Variants in PLAC8L1 observed in about 807,000 individuals in gnomAD.
PLAC8L1 encodes the protein PLAC8-like protein 1.
A neutral mutation model predicts 16.3 loss-of-function variants in PLAC8L1; 13 were observed. That is an observed-to-expected ratio of 0.80 (90% CI 0.52 to 1.27). The LOEUF (loss-of-function observed/expected upper bound fraction) is 1.27. Ranked by LOEUF, PLAC8L1 falls within the 50% of genes most tolerant of loss-of-function variation. PLAC8L1 has a pLI of 0.00. For synonymous variants in PLAC8L1, 78 were observed against 79.3 expected (o/e 0.98, Z 0.09); for missense variants, 184 against 220.2 (o/e 0.84, Z 1.04).
intron 3 of PLAC8L1, 54 bp from the exon 4 acceptor site, chr5:146,084,626 C>A: frequency 6.2e-7 from 1 of 1,601,490 alleles, no homozygotes; most frequent in Non-Finnish European, 8.5e-7. Flanking sequence ...CATTTTTCTT[C>A]CCCAGGGTCC....
intron 2 of PLAC8L1, among the ~76,000 whole-genome samples, chr5:146,093,740 G>A (rs1341997480): frequency 6.6e-6 from 1 of 152,198 alleles, no homozygotes; most frequent in Non-Finnish European, 1.5e-5. Flanking sequence ...GTGGGGACAT[G>A]AATCCCAGTC....
intron 1 of PLAC8L1, among the ~76,000 whole-genome samples, chr5:146,102,040 C>CTTTTTTTTTTTTTTTTTTTTTCTTTT (rs36011275): frequency 7.7e-6 from 1 of 130,506 alleles, no homozygotes; most frequent in Non-Finnish European, 1.6e-5. Flanking sequence ...TGTGTTTACC[C>CTTTTTTTTTTTTTTTTTTTTTCTTTT]TTTTTTTTTT....
At chr5:146,085,037 CTA>C (rs773412047) in intron 3 of PLAC8L1, among the ~76,000 whole-genome samples, 2 of 151,054 alleles carry the variant, frequency 1.3e-5, no homozygotes, top group African/African-American at 2.4e-5. Context: ...CAGATACATT[CTA>C]TGTCTACATA....
intron 1 of PLAC8L1, chr5:146,103,976 A>G (rs1272366810): frequency 1.0e-6 from 1 of 985,318 alleles, no homozygotes; most frequent in Non-Finnish European, 1.2e-6. Context: ...ATAAAGAGAT[A>G]CCATTTCACC....
intron 2 of PLAC8L1, among the ~76,000 whole-genome samples, chr5:146,087,617 C>T (rs918651273): frequency 6.6e-6 from 1 of 152,206 alleles, no homozygotes; most frequent in South Asian, 2.1e-4. Context: ...CTCCCAGGCT[C>T]AAGCGATCCT....
Position 146,098,958 on chromosome 5 carries a change from C to CG in PLAC8L1, c.120-667_120-666insC, listed in dbSNP as rs560337429. On this transcript the variant is annotated intron_variant, in intron 1 of 3. Transcript: ENST00000311450. ...TGACCTAGTGGTGCCACAAAGTATA[C>CG]TTTGGGTTGATTTTCCCAGAAAGGG... is the stretch of plus-strand genomic sequence containing the variant. Among the ~76,000 whole-genome samples, 738 of 152,272 alleles carry CG rather than the reference C, an allele frequency of 4.8e-3. 2 individuals carry two copies. Among genetic ancestry groups the CG allele is most frequent in the Middle Eastern group, 0.02 (6 of 294 alleles).
At position 146,098,228 on chromosome 5, in the gene PLAC8L1, T is replaced by A. The variant is rs746808227; in HGVS notation, c.184A>T (p.Ile62Phe). The A allele has an allele frequency of 2.5e-6, 4 of 1,614,128 alleles. No individual in the cohort carries two copies. In the South Asian group the frequency reaches 4.4e-5, roughly 18 times the overall value. ...PVRGASGRTT[I>F]TAIVQTGGGW... ...CCGCCAGTCTGGACAATTGCTGTGA[T>A]TGTCGTCCTGCCACTGGCTCCCCGA... The change falls in exon 2 of 4, where the codon ATC becomes TTC. Residue 62 changes from isoleucine to phenylalanine, a missense_variant. Physicochemically the swap from Ile to Phe is conservative, Grantham distance 21. Transcript: ENST00000311450.
Position 146,102,022 on chromosome 5 carries a change from T to G in PLAC8L1, c.119+2171A>C, listed in dbSNP as rs543551478. Among the ~76,000 whole-genome samples the G allele has an allele frequency of 1.4e-4, 21 of 151,986 alleles. No individual in the cohort carries two copies. In the East Asian group the frequency reaches 3.9e-3, roughly 28 times the overall value. On this transcript the variant is annotated intron_variant, in intron 1 of 3. Transcript: ENST00000311450. The stretch of plus-strand genomic sequence containing the variant: ...TTTCCTTAATGGAAAAAGAAAATGT[T>G]TTTTTTCTGTGTTTACCCTTTTTTT...
In PLAC8L1 at chr5:146,105,308, A is replaced by G. The variant is rs1284219402; in HGVS notation, c.-997T>C. 2.0e-5 allele frequency among the ~76,000 whole-genome samples: 3 copies of G among 152,192 alleles called. No individual in the cohort carries two copies. Among genetic ancestry groups the G allele is most frequent in the Non-Finnish European group, 4.4e-5 (3 of 68,034 alleles). On this transcript the variant is annotated 5_prime_UTR_variant, in exon 1 of 4. Transcript: ENST00000311450. The stretch of plus-strand genomic sequence containing the variant: ...TGAACCAGGTTGTTAGGAAAAGCCT[A>G]TAATACCTTCCAAATCAAGATTCCT...
chr5:146,098,478 C>T (rs914903548), intron 1 of PLAC8L1, among the ~76,000 whole-genome samples, 186 bp from the exon 2 acceptor site: 2 of 151,956 alleles, frequency 1.3e-5, no homozygotes, highest in Non-Finnish European at 2.9e-5. Flanking sequence ...TGGCTTTTTG[C>T]CTCATCTCTA....
Position 146,085,715 on chromosome 5 carries a change from T to G in PLAC8L1, c.257-118A>C, listed in dbSNP as rs73313973. 1.9e-3 allele frequency: 2,155 copies of G among 1,115,284 alleles called. 37 individuals are homozygous for G. The African/African-American group carries it at 0.026, about 13-fold the overall frequency. The allele number at this position is 1,115,284 out of a possible 1,614,324, so 69.1% of individuals were successfully genotyped here. On this transcript the variant is annotated intron_variant, in intron 2 of 3. Transcript: ENST00000311450. The stretch of plus-strand genomic sequence containing the variant: ...TTAATGCTGCACTGTCTCCCTGCTA[T>G]CAGACTGAGAATAAATAACCAATTC...
intron 1 of PLAC8L1, 134 bp from the exon 2 acceptor site, chr5:146,098,426 G>C (rs1377096462): frequency 2.7e-6 from 2 of 736,552 alleles, no homozygotes; most frequent in Non-Finnish European, 4.1e-6. Context: ...AATCGACTTT[G>C]CCATCTCCCT....
chr5:146,103,787 C>T, intron 1 of PLAC8L1: 1 of 985,404 alleles, frequency 1.0e-6, no homozygotes, highest in South Asian at 4.7e-5. Flanking sequence ...TGTTACATGT[C>T]ACTCTTCCGT....
At chr5:146,088,888 A>T (rs1420318294) in intron 2 of PLAC8L1, among the ~76,000 whole-genome samples, 1 of 152,176 alleles carries the variant, frequency 6.6e-6, no homozygotes, top group Non-Finnish European at 1.5e-5. Context: ...GAATTAGGGG[A>T]TTTTGAAATC....
chr5:146,087,127 C>T (rs1213387632), intron 2 of PLAC8L1, among the ~76,000 whole-genome samples: 2 of 152,160 alleles, frequency 1.3e-5, no homozygotes, highest in Non-Finnish European at 2.9e-5. Context: ...TTAATGAAAT[C>T]ATGTTTGCTT....
intron 2 of PLAC8L1, among the ~76,000 whole-genome samples, chr5:146,089,937 C>T (rs1310504709): frequency 6.6e-6 from 1 of 151,842 alleles, no homozygotes; most frequent in Non-Finnish European, 1.5e-5. Flanking sequence ...CAGGGTTTCA[C>T]CACGTTGGCC....
chr5:146,097,362 T>C (rs1207793270), intron 2 of PLAC8L1, among the ~76,000 whole-genome samples: 1 of 152,204 alleles, frequency 6.6e-6, no homozygotes, highest in Non-Finnish European at 1.5e-5. Context: ...TTTCTTTTTG[T>C]GATTGTTCTT....
intron 1 of PLAC8L1, among the ~76,000 whole-genome samples, chr5:146,098,852 G>A (rs188286837): frequency 1.1e-3 from 170 of 152,272 alleles, no homozygotes; most frequent in African/African-American, 3.9e-3. Context: ...CCTGGACTAG[G>A]CTGTTGAAGT....
At chr5:146,090,527 C>T (rs749301280) in intron 2 of PLAC8L1, among the ~76,000 whole-genome samples, 17 of 141,846 alleles carry the variant, frequency 1.2e-4, no homozygotes, top group Non-Finnish European at 2.3e-4. Context: ...GGAATGAGAC[C>T]GTCTCAAAAA....
Sources: gnomAD v4.1 joint callset for allele counts (sites outside exome capture counted in the v4.1 genomes callset) on GRCh38, gnomAD v4.1.1 for gene constraint, MANE v1.5 for transcripts, NCBI Gene and HGNC (gene_info 2026-07-23, HGNC 2026-07-21) for gene names.